Variants in RSPO4 observed in about 807,000 individuals in gnomAD.
RSPO4 encodes R-spondin-4.
Under a neutral mutation model 24.8 loss-of-function variants are expected in RSPO4, and 23 were observed. The ratio of observed to expected loss-of-function variants is 0.93; its 90% CI spans 0.67 to 1.31. The LOEUF (loss-of-function observed/expected upper bound fraction) is 1.31. Among genes scored for constraint, RSPO4 ranks in the 40% most tolerant of loss-of-function variants. The pLI, the probability that RSPO4 is intolerant of heterozygous loss-of-function variation, is 0.00. For missense variants in RSPO4, 333 were observed against 316.5 expected, an observed-to-expected ratio of 1.05 and a Z score of -0.39; for synonymous variants, 141 against 127.4, an observed-to-expected ratio of 1.11 and a Z score of -0.72.
At chr20:968,256 CAA>C (rs1984294548) in intron 1 of RSPO4, 118 bp from the exon 2 acceptor site, 1 of 825,092 alleles carries the variant, frequency 1.2e-6, no homozygotes, top group Non-Finnish European at 2.0e-6. Flanking sequence ...GCCACCCAAA[CAA>C]AAGACTACAT....
chr20:977,080 C>T (rs756808956), intron 1 of RSPO4, among the ~76,000 whole-genome samples: 3 of 152,178 alleles, frequency 2.0e-5, no homozygotes, highest in Non-Finnish European at 2.9e-5. Context: ...CATCTTAACA[C>T]CCACTTCACT....
chr20:988,559 A>T (rs886477705), intron 1 of RSPO4, among the ~76,000 whole-genome samples: 1 of 151,922 alleles, frequency 6.6e-6, no homozygotes, highest in Non-Finnish European at 1.5e-5. Context: ...TTATGTATTT[A>T]TTTATTTTTG....
chr20:962,314 T>C (rs377422513), intron 4 of RSPO4, among the ~76,000 whole-genome samples: 7 of 152,266 alleles, frequency 4.6e-5, no homozygotes, highest in South Asian at 2.1e-4. Flanking sequence ...AGCCAAGACC[T>C]GGGTGATGCA....
intron 4 of RSPO4, among the ~76,000 whole-genome samples, chr20:963,457 G>A (rs1302666885): frequency 2.6e-5 from 4 of 152,128 alleles, no homozygotes; most frequent in Non-Finnish European, 1.5e-5. Context: ...TACTTGGGGC[G>A]CTGACCACGG....
chr20:973,302 T>C (rs1260609953), intron 1 of RSPO4, among the ~76,000 whole-genome samples: 1 of 152,184 alleles, frequency 6.6e-6, no homozygotes, highest in Non-Finnish European at 1.5e-5. Flanking sequence ...TTACCACTCT[T>C]AGAAGAGCTT....
chr20:1,002,273 C>G lies in RSPO4; in HGVS notation c.-109G>C. ...CGGGGGCTGCTGTGGGCGCGCCGGGCGCATCCGCCAGGCGCGGGTCGGTCC... is the reference window on the plus strand; with the variant it reads ...CGGGGGCTGCTGTGGGCGCGCCGGGGGCATCCGCCAGGCGCGGGTCGGTCC... On this transcript the variant is annotated 5_prime_UTR_variant, in exon 1 of 5. Coordinates refer to ENST00000217260, the MANE Select transcript of RSPO4 (RefSeq NM_001029871.4). The surrounding 1 kb of genome is among the most constrained non-coding windows in gnomAD (Gnocchi z 4.6). 1.8e-6 allele frequency: 1 copy of G among 542,512 alleles called. No individual in the cohort carries two copies. Among genetic ancestry groups the G allele is most frequent in the Non-Finnish European group, 2.5e-6 (1 of 397,392 alleles). The allele number at this position is 542,512 out of a possible 1,614,324, so 33.6% of individuals were successfully genotyped here. A position where few individuals can be genotyped will look rare whatever the true frequency, so the allele number is the denominator to read the frequency against.
At chr20:999,401 T>C (rs1600103576) in intron 1 of RSPO4, among the ~76,000 whole-genome samples, 1 of 152,314 alleles carries the variant, frequency 6.6e-6, no homozygotes, top group Non-Finnish European at 1.5e-5. Flanking sequence ...CCAATCTATT[T>C]GACCAGAACT....
At chr20:978,703 G>A (rs891500753) in intron 1 of RSPO4, among the ~76,000 whole-genome samples, 1 of 152,154 alleles carries the variant, frequency 6.6e-6, no homozygotes, top group Non-Finnish European at 1.5e-5. Flanking sequence ...TGAAAGTCCA[G>A]AGACTGGAGA....
intron 1 of RSPO4, 147 bp from the exon 2 acceptor site, chr20:968,285 C>A (rs1044820947): frequency 1.4e-6 from 1 of 700,022 alleles, no homozygotes; most frequent in South Asian, 1.7e-5. Flanking sequence ...CCTTCCCTTA[C>A]AACTAGATAT....
chr20:1,001,425 GGT>G (rs1272087622), intron 1 of RSPO4, among the ~76,000 whole-genome samples: 3 of 152,140 alleles, frequency 2.0e-5, no homozygotes, highest in Non-Finnish European at 2.9e-5. Context: ...TGCGGCCCCT[GGT>G]ACATTTATAA....
chr20:1,001,989 C>A (rs1239329711), intron 1 of RSPO4, 97 bp downstream of exon 1: 2 of 1,018,566 alleles, frequency 2.0e-6, no homozygotes, highest in Non-Finnish European at 2.9e-6. Context: ...GCGCCAGGCA[C>A]CAGGCAGATG....
chr20:987,146 G>A (rs1205092566), intron 1 of RSPO4, among the ~76,000 whole-genome samples: 3 of 152,166 alleles, frequency 2.0e-5, no homozygotes, highest in African/African-American at 4.8e-5. Flanking sequence ...TCAGACCTCT[G>A]GATGGGCACC....
intron 1 of RSPO4, among the ~76,000 whole-genome samples, chr20:971,508 C>T (rs6039352): frequency 0.029 from 4,471 of 152,292 alleles, 198 homozygotes; most frequent in African/African-American, 0.093. Flanking sequence ...TACACCACAG[C>T]CAGATACCAC....
intron 4 of RSPO4, among the ~76,000 whole-genome samples, chr20:962,845 T>G (rs1219014525): frequency 6.6e-6 from 1 of 152,246 alleles, no homozygotes; most frequent in Non-Finnish European, 1.5e-5. Context: ...TACAGCTCCC[T>G]GGCTTTGTGA....
intron 1 of RSPO4, among the ~76,000 whole-genome samples, chr20:988,574 A>G (rs1984995833): frequency 6.6e-6 from 1 of 152,124 alleles, no homozygotes; most frequent in Admixed American, 6.6e-5. Context: ...TTTTTGAGAC[A>G]CAGTCTTGCT....
At chr20:982,465 A>G (rs527289610) in intron 1 of RSPO4, among the ~76,000 whole-genome samples, 12 of 152,324 alleles carry the variant, frequency 7.9e-5, no homozygotes, top group African/African-American at 2.9e-4. Flanking sequence ...CTTTTCATGT[A>G]TGAGGGACAG....
rs1984720277 is a variant in RSPO4, at chr20:981,087, G to T, written c.80-12949C>A. ...TCATTTTACGGTTCAGGAAGTGAAG[G>T]CTCAAAGACCAACAATTATAGGTGG... On this transcript the variant is annotated intron_variant, in intron 1 of 4. Transcript: ENST00000217260. This position sits in a 1 kb window ranked among gnomAD's most constrained non-coding sequence, Gnocchi z 4.6. 6.6e-6 allele frequency among the ~76,000 whole-genome samples: 1 copy of T among 152,188 alleles called. No individual in the cohort carries two copies. Among genetic ancestry groups the T allele is most frequent in the Non-Finnish European group, 1.5e-5 (1 of 68,028 alleles).
intron 1 of RSPO4, among the ~76,000 whole-genome samples, chr20:990,619 G>A (rs569903544): frequency 6.6e-6 from 1 of 151,902 alleles, no homozygotes; most frequent in East Asian, 1.9e-4. Context: ...TGATGCAAGA[G>A]AATGAGATGA....
chr20:995,881 G>C (rs908304650), intron 1 of RSPO4, among the ~76,000 whole-genome samples: 1 of 152,144 alleles, frequency 6.6e-6, no homozygotes, highest in African/African-American at 2.4e-5. Context: ...GTACACACGT[G>C]CACATGCATG....
Sources: gnomAD v4.1 joint callset for allele counts (sites outside exome capture counted in the v4.1 genomes callset) on GRCh38, gnomAD v4.1.1 for gene constraint, Gnocchi (gnomAD v3.1) non-coding constraint, MANE v1.5 for transcripts, NCBI Gene and HGNC (gene_info 2026-07-23, HGNC 2026-07-21) for gene names.